Variants in ZFP2 observed in about 807,000 individuals in gnomAD.
ZFP2 encodes the protein ZFP2 zinc finger protein.
ZFP2 carries 33 observed loss-of-function variants against 36.1 expected under a neutral mutation model. The observed-to-expected ratio is 0.92, with a 90% CI of 0.69 to 1.22. ZFP2 has a LOEUF of 1.22. ZFP2 is among the 50% of genes most tolerant of loss of function. The probability of loss-of-function intolerance (pLI) is 0.00; values close to 1 mark genes in which losing one functional copy is unlikely to be tolerated. For missense variants in ZFP2, 522 were observed against 551.4 expected (o/e 0.95, Z 0.53); for synonymous variants, 170 against 178.0 (o/e 0.96, Z 0.36).
intron 1 of ZFP2, among the ~76,000 whole-genome samples, chr5:178,899,457 C>G (rs1051604855): frequency 1.3e-5 from 2 of 152,104 alleles, no homozygotes; most frequent in African/African-American, 4.8e-5. Flanking sequence ...AGCCAAGAGC[C>G]TGTGTATAGA....
chr5:178,904,777 A>T (rs942028379), intron 1 of ZFP2, among the ~76,000 whole-genome samples: 1 of 135,128 alleles, frequency 7.4e-6, no homozygotes, highest in Non-Finnish European at 1.5e-5. Flanking sequence ...ATTTTGGCTC[A>T]CTGCAACCTC....
chr5:178,907,623 TA>T (rs1758194201), intron 1 of ZFP2, among the ~76,000 whole-genome samples: 1 of 151,176 alleles, frequency 6.6e-6, no homozygotes, highest in East Asian at 2.0e-4. Context: ...TTCAAAGAGA[TA>T]AATAAATAAA....
intron 1 of ZFP2, among the ~76,000 whole-genome samples, chr5:178,902,533 G>C (rs553138230): frequency 6.6e-6 from 1 of 152,260 alleles, no homozygotes; most frequent in Non-Finnish European, 1.5e-5. Flanking sequence ...GGATACTTTT[G>C]AAGAGTACAG....
At chr5:178,924,126 C>G (rs1299057243) in intron 4 of ZFP2, among the ~76,000 whole-genome samples, 1 of 149,150 alleles carries the variant, frequency 6.7e-6, no homozygotes, top group Admixed American at 6.7e-5. Context: ...GTAATCCCAG[C>G]ACTTTTTGAG....
chr5:178,932,659 G>C lies in ZFP2; in HGVS notation c.1346G>C (p.Arg449Pro). 2 of 1,612,008 alleles carry C rather than the reference G, an allele frequency of 1.2e-6. No homozygotes were observed. Among genetic ancestry groups the C allele is most frequent in the East Asian group, 4.5e-5 (2 of 44,878 alleles). ...AATGAATGCGGAAAAGCCTTCAGCC[G>C]GAGTACAAACCTTACACGACATCAA... ...QCNECGKAFS[R>P]STNLTRHQRT... The change falls in exon 5 of 5, where the codon CGG becomes CCG. Residue 449 changes from arginine (R) to proline (P), a missense_variant. Transcript: ENST00000361362.
intron 1 of ZFP2, among the ~76,000 whole-genome samples, chr5:178,911,476 C>T (rs1561680502): frequency 6.6e-6 from 1 of 152,194 alleles, no homozygotes. Context: ...CCTCTCCTCT[C>T]CTTCCTCCTC....
At chr5:178,922,352 A>G in intron 4 of ZFP2, 1 of 1,021,880 alleles carries the variant, frequency 9.8e-7, no homozygotes, top group Non-Finnish European at 1.6e-6. Flanking sequence ...CTTTCATGTA[A>G]TTTTTGTTCT....
intron 1 of ZFP2, among the ~76,000 whole-genome samples, chr5:178,904,614 T>C (rs536315934): frequency 6.6e-6 from 1 of 150,800 alleles, no homozygotes; most frequent in Admixed American, 6.6e-5. Flanking sequence ...ATATATATGT[T>C]TATTTTTCTG....
chr5:178,917,863 C>A (rs776409338), intron 4 of ZFP2, among the ~76,000 whole-genome samples: 1 of 152,202 alleles, frequency 6.6e-6, no homozygotes, highest in African/African-American at 2.4e-5. Flanking sequence ...TCAAAAAGTT[C>A]ATTCTTCCTT....
intron 1 of ZFP2, chr5:178,910,193 G>A: frequency 2.5e-6 from 4 of 1,570,828 alleles, no homozygotes; most frequent in Non-Finnish European, 3.5e-6. Context: ...TCTTTCTGGT[G>A]AATTTGCACA....
intron 1 of ZFP2, chr5:178,910,632 G>T (rs1758276900): frequency 2.5e-6 from 1 of 403,392 alleles, no homozygotes; most frequent in Non-Finnish European, 4.8e-6. Flanking sequence ...CCTCTAGAAT[G>T]GCCCCCTCTG....
At chr5:178,918,672 T>A in intron 4 of ZFP2, among the ~76,000 whole-genome samples, 1 of 152,196 alleles carries the variant, frequency 6.6e-6, no homozygotes, top group East Asian at 1.9e-4. Flanking sequence ...GTATTGAGTA[T>A]TTCCAGTATT....
At chr5:178,924,587 C>T (rs1687069613) in intron 4 of ZFP2, among the ~76,000 whole-genome samples, 1 of 148,768 alleles carries the variant, frequency 6.7e-6, no homozygotes, top group African/African-American at 2.4e-5. Flanking sequence ...CACCAGTAAT[C>T]CCAGCACTTT....
chr5:178,914,774 G>GT (rs1014373362), intron 3 of ZFP2, among the ~76,000 whole-genome samples: 2 of 152,170 alleles, frequency 1.3e-5, no homozygotes, highest in African/African-American at 4.8e-5. Flanking sequence ...GTTAACAGGA[G>GT]TGTGATTTTA....
chr5:178,911,230 T>G (rs1466747753), intron 1 of ZFP2, among the ~76,000 whole-genome samples: 1 of 152,198 alleles, frequency 6.6e-6, no homozygotes, highest in Non-Finnish European at 1.5e-5. Flanking sequence ...GTGTTGACAC[T>G]TTTTCTGGAG....
At chr5:178,924,122 C>G (rs1314817194) in intron 4 of ZFP2, among the ~76,000 whole-genome samples, 1 of 149,006 alleles carries the variant, frequency 6.7e-6, no homozygotes, top group East Asian at 1.9e-4. Flanking sequence ...GCCTGTAATC[C>G]CAGCACTTTT....
At chr5:178,908,691 A>G (rs1284742855) in intron 1 of ZFP2, among the ~76,000 whole-genome samples, 1 of 152,048 alleles carries the variant, frequency 6.6e-6, no homozygotes, top group Non-Finnish European at 1.5e-5. Flanking sequence ...CTACAAAAAA[A>G]AGATAACATG....
At position 178,931,473 on chromosome 5, in the gene ZFP2, T is replaced by A. The variant is rs780656490; in HGVS notation, c.160T>A (p.Cys54Ser). ...ATGTGGAGGTAATGAATTTGAAAGA[T>A]GTTCCAGTCAGGATTCAATCCTTGA... ...RVCGGNEFER[C>S]SSQDSILDTQ... The change falls in exon 5 of 5, where the codon TGT becomes AGT. Residue 54 changes from cysteine (C) to serine (S), a missense_variant. Transcript: ENST00000361362. The A allele has an allele frequency of 6.2e-7, 1 of 1,614,178 alleles. No individual in the cohort carries two copies. The highest frequency in any genetic ancestry group is 8.5e-7 in the Non-Finnish European group (1 of 1,180,036).
intron 3 of ZFP2, among the ~76,000 whole-genome samples, chr5:178,914,424 G>T (rs1216026639): frequency 3.3e-5 from 5 of 152,052 alleles, no homozygotes; most frequent in Non-Finnish European, 7.4e-5. Context: ...ACTATTTTGT[G>T]TTTAATGATA....
Sources: allele counts gnomAD v4.1 joint callset (sites outside exome capture counted in the v4.1 genomes callset), GRCh38; gene constraint gnomAD v4.1.1; transcripts MANE v1.5; gene names NCBI Gene and HGNC (gene_info 2026-07-23, HGNC 2026-07-21).